Variants in SNRPA observed in about 807,000 individuals in gnomAD.
The protein encoded by SNRPA is U1 small nuclear ribonucleoprotein A.
SNRPA carries 10 observed loss-of-function variants against 24.5 expected under a neutral mutation model. The ratio of observed to expected loss-of-function variants is 0.41; its 90% CI spans 0.25 to 0.69. The LOEUF is 0.69. SNRPA is among the 30% of genes least tolerant of loss of function. The pLI, the probability that SNRPA is intolerant of heterozygous loss-of-function variation, is 0.33. For synonymous variants in SNRPA, 165 were observed against 148.4 expected (o/e 1.11, Z -0.81); for missense variants, 283 against 394.7 (o/e 0.72, Z 2.40).
At chr19:40,762,319 T>C (rs1181105895) in intron 3 of SNRPA, among the ~76,000 whole-genome samples, 2 of 151,554 alleles carry the variant, frequency 1.3e-5, no homozygotes, top group Admixed American at 1.3e-4. Context: ...CGGGTTCAAG[T>C]GATTCTCCTG....
chr19:40,753,382 ATG>A (rs1349229401), intron 1 of SNRPA, among the ~76,000 whole-genome samples: 89 of 62,204 alleles, frequency 1.4e-3, no homozygotes, highest in Non-Finnish European at 2.0e-3. Context: ...AATTTTGCAT[ATG>A]TTTTTTTTTT....
Position 40,752,103 on chromosome 19 carries a change from C to T in SNRPA, c.73+622C>T, listed in dbSNP as rs147298752. On this transcript the variant is annotated intron_variant, in intron 1 of 5. Transcript: ENST00000243563. ...AATCAATCCCAGCACTTTGGGAGGC[C>T]GAGGCGGGCGGATCACCTGAGGTCG... is the stretch of plus-strand genomic sequence containing the variant. Among the ~76,000 whole-genome samples, 748 of 151,004 alleles carry T rather than the reference C, an allele frequency of 5.0e-3. 23 individuals are homozygous for T. Among genetic ancestry groups the T allele is most frequent in the Admixed American group, 0.044 (663 of 15,178 alleles).
intron 3 of SNRPA, among the ~76,000 whole-genome samples, chr19:40,761,386 G>A (rs2082930917): frequency 6.6e-6 from 1 of 150,466 alleles, no homozygotes; most frequent in South Asian, 2.1e-4. Flanking sequence ...ATAACTTGAA[G>A]TGAATTGCAG....
At position 40,753,384 on chromosome 19, in the gene SNRPA, G is replaced by GTTTTTTTTTTTTTTTTTTTTTTT. The variant is rs746525368; in HGVS notation, c.73+1911_73+1933dup. ...AATCAGGAGTGTAAATTTTGCATAT[G>GTTTTTTTTTTTTTTTTTTTTTTT]TTTTTTTTTTTTTTTTTTTTTTTTT... On this transcript the variant is annotated intron_variant, in intron 1 of 5. Transcript: ENST00000243563. Among the ~76,000 whole-genome samples the GTTTTTTTTTTTTTTTTTTTTTTT allele has an allele frequency of 5.2e-5, 2 of 38,382 alleles. 1 individual carries two copies. The highest frequency in any genetic ancestry group is 8.6e-5 in the Non-Finnish European group (2 of 23,274). 25.2% of individuals were successfully genotyped at this position (38,382 alleles called of 152,430 possible).
At chr19:40,756,470 C>T (rs1176738536) in intron 1 of SNRPA, among the ~76,000 whole-genome samples, 4 of 151,852 alleles carry the variant, frequency 2.6e-5, no homozygotes, top group African/African-American at 7.3e-5. Flanking sequence ...GTGGCATACA[C>T]CTGTGGTCCC....
chr19:40,761,946 T>C (rs1015658886), intron 3 of SNRPA, among the ~76,000 whole-genome samples: 5 of 152,146 alleles, frequency 3.3e-5, no homozygotes, highest in Admixed American at 6.5e-5. Flanking sequence ...TCTCTGGCTT[T>C]CATGAGTCTC....
At chr19:40,757,535 G>T (rs369564936) in intron 2 of SNRPA, 31 bp downstream of exon 2, 6 of 1,582,630 alleles carry the variant, frequency 3.8e-6, no homozygotes, top group Non-Finnish European at 5.2e-6. Context: ...GGCTGTGTGG[G>T]TGTGTAAAAT....
intron 1 of SNRPA, 34 bp downstream of exon 1, chr19:40,751,515 T>C (rs2082862536): frequency 6.7e-7 from 1 of 1,500,792 alleles, no homozygotes; most frequent in Non-Finnish European, 9.3e-7. Flanking sequence ...GTCCAGACTG[T>C]CCCGCACGGG....
intron 4 of SNRPA, 78 bp downstream of exon 4, chr19:40,763,152 T>A: frequency 8.4e-7 from 1 of 1,189,502 alleles, no homozygotes; most frequent in Non-Finnish European, 1.2e-6. Flanking sequence ...GTTGGGGGGC[T>A]GCTGTAGGTT....
At chr19:40,757,586 A>G in intron 2 of SNRPA, 82 bp downstream of exon 2, 2 of 1,290,824 alleles carry the variant, frequency 1.5e-6, no homozygotes, top group Non-Finnish European at 2.1e-6. Context: ...AGGAGGGGAT[A>G]TTACGGTTCA....
chr19:40,753,958 C>T (rs189005774), intron 1 of SNRPA, among the ~76,000 whole-genome samples: 57 of 151,976 alleles, frequency 3.8e-4, no homozygotes, highest in African/African-American at 1.4e-3. Flanking sequence ...CCCACCAGCA[C>T]ACCCGGCTAA....
At chr19:40,761,811 T>A (rs961741451) in intron 3 of SNRPA, among the ~76,000 whole-genome samples, 1 of 152,094 alleles carries the variant, frequency 6.6e-6, no homozygotes, top group African/African-American at 2.4e-5. Context: ...AATGTCTAAA[T>A]GACCTTGGTG....
At chr19:40,763,366 C>T in intron 4 of SNRPA, 4 of 605,214 alleles carry the variant, frequency 6.6e-6, no homozygotes, top group Non-Finnish European at 1.2e-5. Flanking sequence ...TGTAGGGCTG[C>T]AGCAGGGACT....
At chr19:40,752,955 A>G (rs2082889544) in intron 1 of SNRPA, among the ~76,000 whole-genome samples, 1 of 152,212 alleles carries the variant, frequency 6.6e-6, no homozygotes, top group Non-Finnish European at 1.5e-5. Flanking sequence ...CAGCTAGTAA[A>G]GGGCTGGATA....
chr19:40,763,716 G>T, intron 5 of SNRPA, 41 bp downstream of exon 5: 1 of 1,491,476 alleles, frequency 6.7e-7, no homozygotes, highest in Non-Finnish European at 9.4e-7. Flanking sequence ...GGAGGGTGAT[G>T]GCCAGGAGGC....
At chr19:40,763,760 G>A in intron 5 of SNRPA, 85 bp downstream of exon 5, 2 of 1,145,402 alleles carry the variant, frequency 1.7e-6, no homozygotes, top group Non-Finnish European at 2.7e-6. Context: ...AACTCTGCCA[G>A]CAGAGCTCTG....
chr19:40,752,922 T>G (rs1446124412), intron 1 of SNRPA, among the ~76,000 whole-genome samples: 3 of 152,196 alleles, frequency 2.0e-5, no homozygotes, highest in Non-Finnish European at 2.9e-5. Context: ...AACCTTGCAG[T>G]ATTTCTTTTT....
intron 2 of SNRPA, among the ~76,000 whole-genome samples, chr19:40,757,756 A>C (rs557710816): frequency 6.6e-6 from 1 of 151,720 alleles, no homozygotes; most frequent in African/African-American, 2.4e-5. Flanking sequence ...CAGCCTGGGC[A>C]ACACCGTGAA....
chr19:40,760,843 C>G (rs1277914888), intron 3 of SNRPA, among the ~76,000 whole-genome samples: 1 of 152,196 alleles, frequency 6.6e-6, no homozygotes, highest in East Asian at 1.9e-4. Context: ...GGAGGCTGAG[C>G]TGGGAGGATC....
Sources: gnomAD v4.1 joint callset for allele counts (sites outside exome capture counted in the v4.1 genomes callset) on GRCh38, gnomAD v4.1.1 for gene constraint, MANE v1.5 for transcripts, NCBI Gene and HGNC (gene_info 2026-07-23, HGNC 2026-07-21) for gene names.